The following ILDR2 variants were observed in gnomAD, a reference collection of about 807,000 sequenced individuals.
ILDR2 encodes immunoglobulin-like domain-containing receptor 2.
Under a neutral mutation model 66.8 loss-of-function variants are expected in ILDR2, and 25 were observed. The ratio of observed to expected loss-of-function variants is 0.37; its 90% CI spans 0.27 to 0.52. The LOEUF is 0.52. ILDR2 is among the 20% of genes least tolerant of loss of function. ILDR2 has a pLI of 0.88. For missense variants in ILDR2, 827 were observed against 876.8 expected (o/e 0.94, Z 0.72); for synonymous variants, 367 against 357.2 (o/e 1.03, Z -0.31).
At position 166,918,040 on chromosome 1, in the gene ILDR2, A is replaced by T. The variant is rs1659709149; in HGVS notation, c.*1315T>A. On this transcript the variant is annotated 3_prime_UTR_variant, in exon 10 of 10. Coordinates refer to ENST00000271417, the MANE Select transcript of ILDR2 (RefSeq NM_199351.3). ...GCCAACTCCAGATTCAAGGGGTTGG[A>T]AAAAAGATGGCACCTCTTGATGAGA... 1 of 152,216 alleles carries T rather than the reference A, an allele frequency of 6.6e-6. No individual in the cohort carries two copies. Among genetic ancestry groups the T allele is most frequent in the Admixed American group, 6.5e-5 (1 of 15,280 alleles). 9.4% of individuals were successfully genotyped at this position (152,216 alleles called of 1,614,324 possible). A position where few individuals can be genotyped will look rare whatever the true frequency, so the allele number is the denominator to read the frequency against.
intron 1 of ILDR2, among the ~76,000 whole-genome samples, chr1:166,971,174 C>A (rs569176415): frequency 6.6e-6 from 1 of 152,214 alleles, no homozygotes; most frequent in Non-Finnish European, 1.5e-5. Flanking sequence ...CAATGCTACT[C>A]CATAACTGGT....
At chr1:166,969,096 G>A (rs1484124514) in intron 1 of ILDR2, among the ~76,000 whole-genome samples, 1 of 152,000 alleles carries the variant, frequency 6.6e-6, no homozygotes, top group Non-Finnish European at 1.5e-5. Context: ...TATAAGGTAG[G>A]TTAGCTTTCC....
chr1:166,951,274 G>A (rs1005334257), intron 3 of ILDR2, among the ~76,000 whole-genome samples: 1 of 152,162 alleles, frequency 6.6e-6, no homozygotes, highest in African/African-American at 2.4e-5. Flanking sequence ...GATCTGCTGG[G>A]GGCCATCATC....
chr1:166,930,456 T>G (rs1477518135), intron 6 of ILDR2, among the ~76,000 whole-genome samples: 1 of 152,230 alleles, frequency 6.6e-6, no homozygotes. Context: ...CTTTTGACTT[T>G]AGGAGTATCA....
intron 3 of ILDR2, among the ~76,000 whole-genome samples, chr1:166,941,197 G>A (rs559594230): frequency 8.1e-4 from 124 of 152,300 alleles, no homozygotes; most frequent in African/African-American, 2.9e-3. Flanking sequence ...GGCCAACTCT[G>A]CTTTTGGCCT....
At position 166,956,694 on chromosome 1, in the gene ILDR2, T is replaced by C. The variant is rs112125000; in HGVS notation, c.499+39A>G. On this transcript the variant is annotated intron_variant, in intron 3 of 9. Transcript: ENST00000271417. ...GGATAGGATACAGTGCAAGTGCAAG[T>C]GGTCTAAGATGAAAATGTCACCTGT... 9.1e-5 allele frequency: 146 copies of C among 1,608,598 alleles called. No homozygotes were observed. The African/African-American group carries it at 1.8e-3, about 20-fold the overall frequency.
chr1:166,935,522 C>T, intron 5 of ILDR2, 45 bp from the exon 6 acceptor site: 1 of 1,487,000 alleles, frequency 6.7e-7, no homozygotes, highest in Non-Finnish European at 9.0e-7. Context: ...TCGTCCCACC[C>T]TCCACAACCC....
chr1:166,933,084 C>T (rs912165025), intron 6 of ILDR2, among the ~76,000 whole-genome samples: 2 of 152,210 alleles, frequency 1.3e-5, no homozygotes, highest in African/African-American at 4.8e-5. Flanking sequence ...AGACTAGCTG[C>T]GGTGACACTG....
downstream of ILDR2, among the ~76,000 whole-genome samples, chr1:166,906,872 CTG>C (rs1237762822): frequency 6.6e-6 from 1 of 152,212 alleles, no homozygotes; most frequent in Non-Finnish European, 1.5e-5. Context: ...CACGAATAAA[CTG>C]TGTGATGCTC....
At chr1:166,953,296 T>C (rs2312675) in intron 3 of ILDR2, among the ~76,000 whole-genome samples, 31,751 of 152,098 alleles carry the variant, frequency 0.21, 3,523 homozygotes, top group African/African-American at 0.27. Flanking sequence ...TCACTGGTTC[T>C]CCTAAGTCTT....
chr1:166,955,875 A>C lies in ILDR2; in HGVS notation c.499+858T>G, dbSNP rs139865859. On this transcript the variant is annotated intron_variant, in intron 3 of 9. Transcript: ENST00000271417. ...GCTATCACCTGGTTTCTTGGAAGCT[A>C]TAAAAATGTAATTTCTTTTGAAAAT... Among the ~76,000 whole-genome samples, 363 of 152,350 alleles carry C rather than the reference A, an allele frequency of 2.4e-3. 1 individual carries two copies. The highest frequency in any genetic ancestry group is 8.3e-3 in the African/African-American group (346 of 41,592).
intron 1 of ILDR2, among the ~76,000 whole-genome samples, chr1:166,969,203 C>CTCCTGGT (rs1376284460): frequency 6.6e-6 from 1 of 152,158 alleles, no homozygotes; most frequent in Non-Finnish European, 1.5e-5. Flanking sequence ...TACACGCTGC[C>CTCCTGGT]TCCTGGTGAG....
In ILDR2 at chr1:166,936,684, C is replaced by T. The variant is rs1661000826; in HGVS notation, c.610G>A (p.Val204Met). The T allele has an allele frequency of 1.9e-6, 3 of 1,614,144 alleles. No individual in the cohort carries two copies. Among genetic ancestry groups the T allele is most frequent in the Non-Finnish European group, 2.5e-6 (3 of 1,180,028 alleles). The change falls in exon 5 of 10, where the codon GTG (valine) becomes ATG (methionine). Residue 204 changes from valine to methionine, a missense_variant. Physicochemically the swap from Val to Met is conservative, Grantham distance 21. Transcript: ENST00000271417. The surrounding 1 kb of genome is among the most constrained non-coding windows in gnomAD (Gnocchi z 5.0). The part of the protein sequence containing the change: ...LLGVFLFFVL[V>M]GICWCQCCPH... ...CAGCACTGGCACCAGCAGATCCCCA[C>T]CAGGACGAAGAAGAGGAAGACGCCC... is the stretch of plus-strand genomic sequence containing the variant.
Position 166,916,285 on chromosome 1 carries a change from T to C in ILDR2, c.*3070A>G, listed in dbSNP as rs1047975209. On this transcript the variant is annotated 3_prime_UTR_variant, in exon 10 of 10. Transcript: ENST00000271417. ...CCAAGTCTATGTTTAAATAAGATGA[T>C]GGACAAACACATACAACACTTTAAT... 5.3e-5 allele frequency: 8 copies of C among 152,232 alleles called. No homozygotes were observed. The highest frequency in any genetic ancestry group is 1.0e-4 in the Non-Finnish European group (7 of 68,046). The allele number at this position is 152,232 out of a possible 1,614,324, so 9.4% of individuals were successfully genotyped here. A position where few individuals can be genotyped will look rare whatever the true frequency, so the allele number is the denominator to read the frequency against.
rs1659937507 is a variant in ILDR2, at chr1:166,921,454, A to G, written c.1212-75T>C. 1.5e-6 allele frequency: 2 copies of G among 1,294,222 alleles called. No homozygotes were observed. The highest frequency in any genetic ancestry group is 1.5e-5 in the African/African-American group (1 of 67,338). 80.2% of individuals were successfully genotyped at this position (1,294,222 alleles called of 1,614,324 possible). A position where few individuals can be genotyped will look rare whatever the true frequency, so the allele number is the denominator to read the frequency against. On this transcript the variant is annotated intron_variant, in intron 8 of 9. Coordinates refer to ENST00000271417, the MANE Select transcript of ILDR2 (RefSeq NM_199351.3). This position sits in a 1 kb window ranked among gnomAD's most constrained non-coding sequence, Gnocchi z 5.3. ...CCAGGTAGGGCTCCCAAGAGCACCC[A>G]TCGTGTCCTGGGGCCACGCTCAGGA...
chr1:166,974,827 T>C (rs1287647876), intron 1 of ILDR2, among the ~76,000 whole-genome samples: 4 of 152,300 alleles, frequency 2.6e-5, no homozygotes, highest in Admixed American at 2.6e-4. Flanking sequence ...ATCAGCTCCC[T>C]CTGAGCTTCC....
chr1:166,919,430 CTAGT>C, intron 9 of ILDR2, 40 bp from the exon 10 acceptor site: 1 of 1,578,364 alleles, frequency 6.3e-7, no homozygotes, highest in Non-Finnish European at 8.7e-7. Context: ...AAGCCACATG[CTAGT>C]TAAAGAAAAC....
rs1660879930 is a variant in ILDR2, at chr1:166,935,283, G to A, written c.880+18C>T. 2 of 1,614,008 alleles carry A rather than the reference G, an allele frequency of 1.2e-6. No individual in the cohort carries two copies. The highest frequency in any genetic ancestry group is 2.7e-5 in the African/African-American group (2 of 75,044). On this transcript the variant is annotated intron_variant, in intron 6 of 9. Transcript: ENST00000271417. ...GCCCGAGACAAGCATGGGCAGGGCA[G>A]TCTGGAACTACATTTACCACTGTGG...
chr1:166,927,809 C>G (rs1199754282), intron 6 of ILDR2, among the ~76,000 whole-genome samples: 1 of 152,198 alleles, frequency 6.6e-6, no homozygotes, highest in Non-Finnish European at 1.5e-5. Flanking sequence ...ATTTCTTTAG[C>G]ATTTTCCTTT....
Sources: allele counts gnomAD v4.1 joint callset (sites outside exome capture counted in the v4.1 genomes callset), GRCh38; gene constraint gnomAD v4.1.1; non-coding constraint Gnocchi (gnomAD v3.1); transcripts MANE v1.5; gene names NCBI Gene and HGNC (gene_info 2026-07-23, HGNC 2026-07-21).